The following EVA1A variants were observed in gnomAD, a reference collection of about 807,000 sequenced individuals.
EVA1A encodes protein eva-1 homolog A.
A neutral mutation model predicts 9.8 loss-of-function variants in EVA1A; 7 were observed. The ratio of observed to expected loss-of-function variants is 0.71; its 90% confidence interval spans 0.41 to 1.34. The LOEUF (loss-of-function observed/expected upper bound fraction) is 1.34. EVA1A is among the 40% of genes most tolerant of loss of function. The pLI, the probability that EVA1A is intolerant of heterozygous loss-of-function variation, is 0.01. For synonymous variants in EVA1A, 90 were observed against 85.6 expected, an observed-to-expected ratio of 1.05 and a Z score of -0.28; for missense variants, 206 against 205.9, an observed-to-expected ratio of 1.00 and a Z score of 0.00.
chr2:75,523,442 C>T (rs1272334810), intron 1 of EVA1A, among the ~76,000 whole-genome samples: 1 of 152,112 alleles, frequency 6.6e-6, no homozygotes, highest in African/African-American at 2.4e-5. Context: ...AGCAAAAGCT[C>T]AAATGGAAAA....
chr2:75,559,747 G>T (rs1263508063), intron 1 of EVA1A, among the ~76,000 whole-genome samples: 1 of 147,150 alleles, frequency 6.8e-6, no homozygotes, highest in South Asian at 2.1e-4. Context: ...AGACTAAAAA[G>T]AAGAATCTTC....
At chr2:75,552,187 T>TAA (rs56806046) in intron 1 of EVA1A, among the ~76,000 whole-genome samples, 90 of 148,278 alleles carry the variant, frequency 6.1e-4, no homozygotes, top group South Asian at 4.3e-3. Context: ...CTCTGTCTCT[T>TAA]AAAAAAAAAA....
At chr2:75,543,706 C>T (rs1376701311) in intron 1 of EVA1A, among the ~76,000 whole-genome samples, 4 of 152,088 alleles carry the variant, frequency 2.6e-5, no homozygotes, top group African/African-American at 9.7e-5. Flanking sequence ...TCATTCCTCA[C>T]CAGGGGGAAC....
At chr2:75,497,937 A>G (rs183424414) in intron 3 of EVA1A, among the ~76,000 whole-genome samples, 1 of 152,228 alleles carries the variant, frequency 6.6e-6, no homozygotes, top group Non-Finnish European at 1.5e-5. Flanking sequence ...AGAACTTAAA[A>G]AAGAACTATG....
intron 1 of EVA1A, chr2:75,526,168 A>G (rs561418430): frequency 1.9e-4 from 29 of 152,344 alleles, no homozygotes; most frequent in African/African-American, 6.5e-4. Flanking sequence ...TCCAGAAATG[A>G]GCAAATGTGG....
chr2:75,543,672 G>A (rs1283338288), intron 1 of EVA1A, among the ~76,000 whole-genome samples: 2 of 152,084 alleles, frequency 1.3e-5, no homozygotes, highest in African/African-American at 2.4e-5. Context: ...GGAGGTGGGC[G>A]GCTTCTACCT....
At chr2:75,518,633 C>T (rs1222042991) in intron 2 of EVA1A, 3 of 987,466 alleles carry the variant, frequency 3.0e-6, no homozygotes, top group Non-Finnish European at 3.6e-6. Context: ...TAAACAATTC[C>T]CCCTTACCAC....
rs1228798787 is a variant in EVA1A at position 75,493,575 on chromosome 2, A to G, written c.120T>C (p.Ser40=). The stretch of plus-strand genomic sequence containing the variant: ...TCAGCACCAGCCCGATGCACACGCC[A>G]GAAACAAAGTACAGAGCTGCTCGCT... ...NPERAALYFV[S]GVCIGLVLTL... Residue 40 remains serine (S), a synonymous_variant, in exon 4 of 4, where the codon TCT becomes TCC. Transcript: ENST00000393913. The G allele has an allele frequency of 6.2e-7, 1 of 1,612,766 alleles. No individual in the cohort carries two copies. Among genetic ancestry groups the G allele is most frequent in the Non-Finnish European group, 8.5e-7 (1 of 1,179,260 alleles).
At chr2:75,555,126 G>A (rs1676658683) in intron 1 of EVA1A, among the ~76,000 whole-genome samples, 1 of 152,180 alleles carries the variant, frequency 6.6e-6, no homozygotes, top group African/African-American at 2.4e-5. Flanking sequence ...ATAAGCATAT[G>A]CACCCATCCT....
chr2:75,568,025 A>T, intron 1 of EVA1A, among the ~76,000 whole-genome samples: 1 of 152,188 alleles, frequency 6.6e-6, no homozygotes. Flanking sequence ...ATGGCTTGCT[A>T]TACTTCCCAG....
chr2:75,518,722 TCA>T, intron 2 of EVA1A: 1 of 987,024 alleles, frequency 1.0e-6, no homozygotes, highest in South Asian at 4.7e-5. Flanking sequence ...GTCACATTCA[TCA>T]CTGCGTTTTA....
upstream of EVA1A, among the ~76,000 whole-genome samples, chr2:75,565,810 C>A (rs556873764): frequency 6.6e-6 from 1 of 152,322 alleles, no homozygotes; most frequent in Non-Finnish European, 1.5e-5. Context: ...AATGTGTCAC[C>A]ATTAATGATG....
intron 1 of EVA1A, among the ~76,000 whole-genome samples, chr2:75,539,575 T>C (rs934799243): frequency 6.6e-6 from 1 of 152,104 alleles, no homozygotes; most frequent in African/African-American, 2.4e-5. Context: ...AGGGAATTGG[T>C]GGCAGTGGTG....
intron 1 of EVA1A, among the ~76,000 whole-genome samples, chr2:75,554,034 T>C (rs926574279): frequency 6.6e-6 from 1 of 152,144 alleles, no homozygotes; most frequent in Non-Finnish European, 1.5e-5. Context: ...CATGGGCTGC[T>C]ATGGCCTGTC....
intron 3 of EVA1A, among the ~76,000 whole-genome samples, chr2:75,507,899 C>T (rs1674673893): frequency 6.6e-6 from 1 of 152,186 alleles, no homozygotes; most frequent in Admixed American, 6.5e-5. Flanking sequence ...ACGGAAGGAC[C>T]AGCTGAAGCC....
chr2:75,546,165 G>C (rs1676322587), intron 1 of EVA1A, among the ~76,000 whole-genome samples: 1 of 152,150 alleles, frequency 6.6e-6, no homozygotes, highest in South Asian at 2.1e-4. Flanking sequence ...CAACAGTAGG[G>C]AGCCACTGAG....
At chr2:75,507,749 G>T (rs989511882) in intron 3 of EVA1A, among the ~76,000 whole-genome samples, 28 of 152,200 alleles carry the variant, frequency 1.8e-4, no homozygotes, top group Non-Finnish European at 3.4e-4. Context: ...CAGTAGAGCT[G>T]CAGGTTCAGA....
upstream of EVA1A, among the ~76,000 whole-genome samples, chr2:75,563,556 T>C (rs182020110): frequency 2.6e-5 from 4 of 152,364 alleles, no homozygotes; most frequent in Non-Finnish European, 5.9e-5. Flanking sequence ...CCTTTCCACA[T>C]ACATTTCTTT....
rs1333252053 is a variant in EVA1A, at chr2:75,499,257, C to T, written c.86-5648G>A. On this transcript the variant is annotated intron_variant, in intron 3 of 3. Transcript: ENST00000393913. ...TAGTTAAATGACCTTGAGCCAATCA[C>T]AACCTCACTGGACCTTCAAGACTGA... 2.6e-5 allele frequency among the ~76,000 whole-genome samples: 4 copies of T among 152,256 alleles called. No individual in the cohort carries two copies. The East Asian group carries it at 7.7e-4, about 29-fold the overall frequency.
Sources: gnomAD v4.1 joint callset for allele counts (sites outside exome capture counted in the v4.1 genomes callset) on GRCh38, gnomAD v4.1.1 for gene constraint, MANE v1.5 for transcripts, NCBI Gene and HGNC (gene_info 2026-07-23, HGNC 2026-07-21) for gene names.